LYPD6B: variants seen among roughly 807,000 people sequenced by gnomAD.
LYPD6B encodes LY6/PLAUR domain containing 6B.
In LYPD6B, 17 loss-of-function variants were observed where a neutral mutation model predicts 22.8. That is an observed-to-expected ratio of 0.75 (90% confidence interval 0.51 to 1.12). LYPD6B has a LOEUF of 1.12. Ranked by LOEUF, LYPD6B falls within the 50% of genes most tolerant of loss-of-function variation. LYPD6B has a pLI of 0.00. For missense variants in LYPD6B, 221 were observed against 258.3 expected, an observed-to-expected ratio of 0.86 and a Z score of 0.99; for synonymous variants, 106 against 91.6, an observed-to-expected ratio of 1.16 and a Z score of -0.90.
chr2:149,047,644 G>A (rs1305504286), intron 1 of LYPD6B, among the ~76,000 whole-genome samples: 1 of 151,892 alleles, frequency 6.6e-6, no homozygotes, highest in Non-Finnish European at 1.5e-5. Context: ...GAGCTCCTTG[G>A]ATCTGTGATT....
At chr2:149,196,760 A>G (rs539574931) in intron 3 of LYPD6B, among the ~76,000 whole-genome samples, 2 of 152,360 alleles carry the variant, frequency 1.3e-5, no homozygotes, top group East Asian at 3.9e-4. Context: ...ATATACAGAG[A>G]CATTTCTCAA....
chr2:149,096,336 G>A (rs1383180785), intron 1 of LYPD6B, among the ~76,000 whole-genome samples: 1 of 152,212 alleles, frequency 6.6e-6, no homozygotes, highest in Non-Finnish European at 1.5e-5. Flanking sequence ...AGGAGGTCAT[G>A]TGTTTGTGAT....
At chr2:149,129,549 C>T (rs754247835) in intron 1 of LYPD6B, among the ~76,000 whole-genome samples, 20 of 152,312 alleles carry the variant, frequency 1.3e-4, no homozygotes, top group Non-Finnish European at 2.4e-4. Context: ...ATTTCCTCCT[C>T]GTGGTTTATA....
rs112548888 is a variant in LYPD6B at position 149,098,347 on chromosome 2, G to A, written c.-66-32536G>A. On this transcript the variant is annotated intron_variant, in intron 1 of 6. Transcript: ENST00000409642. ...AGATTTTAAAAAATGGCTTTGGGCC[G>A]AGTGTGGTAGCTCATGCCTGTAATC... is the stretch of plus-strand genomic sequence containing the variant. Among the ~76,000 whole-genome samples the A allele has an allele frequency of 9.5e-3, 1,440 of 152,102 alleles. 20 individuals are homozygous for A. The highest frequency in any genetic ancestry group is 0.033 in the African/African-American group (1,355 of 41,492).
intron 1 of LYPD6B, among the ~76,000 whole-genome samples, chr2:149,098,984 C>T (rs1425103152): frequency 3.9e-5 from 6 of 152,138 alleles, no homozygotes; most frequent in Non-Finnish European, 8.8e-5. Flanking sequence ...TTCCTGATGT[C>T]CAATGACCAT....
intron 1 of LYPD6B, among the ~76,000 whole-genome samples, chr2:149,097,899 T>C (rs1685980286): frequency 6.6e-6 from 1 of 152,188 alleles, no homozygotes; most frequent in South Asian, 2.1e-4. Flanking sequence ...TTCCATCATG[T>C]ACTCAAATGA....
intron 3 of LYPD6B, among the ~76,000 whole-genome samples, chr2:149,175,848 G>T (rs1559054122): frequency 1.3e-5 from 2 of 151,564 alleles, no homozygotes; most frequent in Non-Finnish European, 1.5e-5. Context: ...TTGTCCCACT[G>T]GAAGGTCTTC....
intron 2 of LYPD6B, among the ~76,000 whole-genome samples, chr2:149,159,644 T>A (rs1575086502): frequency 2.9e-5 from 4 of 140,332 alleles, no homozygotes; most frequent in Non-Finnish European, 6.2e-5. Context: ...AGAGAGAGAG[T>A]AGGGGCAAGG....
At chr2:149,088,101 C>A (rs1319811888) in intron 1 of LYPD6B, among the ~76,000 whole-genome samples, 1 of 151,364 alleles carries the variant, frequency 6.6e-6, no homozygotes, top group Non-Finnish European at 1.5e-5. Flanking sequence ...TTGCTCCCCC[C>A]ACCCAACTTT....
intron 3 of LYPD6B, among the ~76,000 whole-genome samples, chr2:149,199,218 T>A (rs1693009094): frequency 6.6e-6 from 1 of 152,214 alleles, no homozygotes; most frequent in Non-Finnish European, 1.5e-5. Context: ...CTTAGAAGTT[T>A]CCTGTGTGAC....
At chr2:149,141,777 C>T (rs1017642235) in intron 2 of LYPD6B, among the ~76,000 whole-genome samples, 3 of 152,166 alleles carry the variant, frequency 2.0e-5, no homozygotes, top group Non-Finnish European at 2.9e-5. Flanking sequence ...TTTATTGTCT[C>T]ATAGTCCTGG....
At chr2:149,168,177 A>T (rs2105915595) in intron 3 of LYPD6B, among the ~76,000 whole-genome samples, 1 of 141,476 alleles carries the variant, frequency 7.1e-6, no homozygotes, top group East Asian at 2.2e-4. Flanking sequence ...GCACCACTGC[A>T]CTGTAGCCTG....
intron 1 of LYPD6B, among the ~76,000 whole-genome samples, chr2:149,089,433 A>C (rs930586603): frequency 1.3e-5 from 2 of 152,190 alleles, no homozygotes; most frequent in African/African-American, 4.8e-5. Context: ...TGCATTTGCC[A>C]GCCCTCTACT....
At chr2:149,108,247 C>T (rs1472885998) in intron 1 of LYPD6B, among the ~76,000 whole-genome samples, 1 of 152,158 alleles carries the variant, frequency 6.6e-6, no homozygotes, top group African/African-American at 2.4e-5. Context: ...TAAGGCTCCC[C>T]CAGCCACGTG....
intron 3 of LYPD6B, among the ~76,000 whole-genome samples, chr2:149,200,875 G>A (rs12613447): frequency 0.19 from 29,647 of 152,062 alleles, 3,029 homozygotes; most frequent in East Asian, 0.36. Flanking sequence ...GAAGCACTCT[G>A]CATTCTGGAG....
intron 1 of LYPD6B, among the ~76,000 whole-genome samples, chr2:149,094,537 G>A (rs889541000): frequency 1.3e-5 from 2 of 152,246 alleles, no homozygotes; most frequent in Admixed American, 6.5e-5. Flanking sequence ...GGTTCTGGAT[G>A]TGGTGCCTGT....
intron 1 of LYPD6B, among the ~76,000 whole-genome samples, chr2:149,084,252 C>T (rs1685283079): frequency 1.3e-5 from 2 of 152,248 alleles, no homozygotes; most frequent in African/African-American, 4.8e-5. Context: ...ATTAGCTACT[C>T]CACTAGAGTT....
chr2:149,121,330 T>C (rs1166845513), intron 1 of LYPD6B, among the ~76,000 whole-genome samples: 1 of 152,242 alleles, frequency 6.6e-6, no homozygotes, highest in Non-Finnish European at 1.5e-5. Context: ...TTTTATGCAA[T>C]TCATCTTAAT....
chr2:149,126,295 C>G (rs1687692456), intron 1 of LYPD6B, among the ~76,000 whole-genome samples: 1 of 152,126 alleles, frequency 6.6e-6, no homozygotes, highest in Non-Finnish European at 1.5e-5. Flanking sequence ...GCTGACCCCT[C>G]TGCATGGTTG....
Sources: gnomAD v4.1 joint callset for allele counts (sites outside exome capture counted in the v4.1 genomes callset) on GRCh38, gnomAD v4.1.1 for gene constraint, MANE v1.5 for transcripts, NCBI Gene and HGNC (gene_info 2026-07-23, HGNC 2026-07-21) for gene names.